Variants in ROBO2 observed in about 807,000 individuals in gnomAD.
ROBO2 encodes roundabout guidance receptor 2, also known as roundabout homolog 2.
A neutral mutation model predicts 160.8 loss-of-function variants in ROBO2; 53 were observed. The observed-to-expected ratio is 0.33, with a 90% CI of 0.26 to 0.41. The LOEUF is 0.41. Among genes scored for constraint, ROBO2 ranks in the 10% least tolerant of loss-of-function variants. The probability of loss-of-function intolerance (pLI) is 1.00; values close to 1 mark genes in which losing one functional copy is unlikely to be tolerated. For synonymous variants in ROBO2, 664 were observed against 611.7 expected, an observed-to-expected ratio of 1.09 and a Z score of -1.26; for missense variants, 1,577 against 1,722.4, an observed-to-expected ratio of 0.92 and a Z score of 1.49.
chr3:76,057,037 A>G (rs2067873662), intron 2 of ROBO2, among the ~76,000 whole-genome samples: 1 of 152,188 alleles, frequency 6.6e-6, no homozygotes, highest in South Asian at 2.1e-4. Flanking sequence ...GATTTCCTCA[A>G]ATTTTCTAAA....
intron 2 of ROBO2, among the ~76,000 whole-genome samples, chr3:76,711,287 G>A (rs1196684006): frequency 6.6e-6 from 1 of 152,110 alleles, no homozygotes; most frequent in East Asian, 1.9e-4. Context: ...GAGAAAGAGC[G>A]AAGGGGGAAG....
intron 2 of ROBO2, among the ~76,000 whole-genome samples, chr3:76,160,414 TTGAGATTTCTA>T (rs2072575303): frequency 1.3e-5 from 2 of 151,676 alleles, no homozygotes; most frequent in African/African-American, 4.8e-5. Context: ...GCTGAAGTAA[TTGAGATTTCTA>T]TGATGTTGGC....
intron 2 of ROBO2, among the ~76,000 whole-genome samples, chr3:76,474,227 G>T (rs1169679340): frequency 6.6e-6 from 1 of 151,996 alleles, no homozygotes; most frequent in African/African-American, 2.4e-5. Flanking sequence ...TATTTTTCTT[G>T]TAACAGCTGT....
intron 2 of ROBO2, among the ~76,000 whole-genome samples, chr3:76,580,270 G>A (rs567839581): frequency 4.2e-4 from 55 of 130,930 alleles, no homozygotes; most frequent in Middle Eastern, 4.5e-3. Flanking sequence ...GCTAGAGCCT[G>A]GTTGCTCTTT....
intron 6 of ROBO2, among the ~76,000 whole-genome samples, chr3:77,544,353 G>T (rs529587274): frequency 6.6e-6 from 1 of 151,378 alleles, no homozygotes; most frequent in Non-Finnish European, 1.5e-5. Context: ...CCTATACCAC[G>T]CTCTGTTCAA....
intron 2 of ROBO2, among the ~76,000 whole-genome samples, chr3:76,069,451 C>G (rs1312984065): frequency 6.6e-6 from 1 of 151,932 alleles, no homozygotes; most frequent in African/African-American, 2.4e-5. Flanking sequence ...CCACCATCAG[C>G]TCTCAATGGA....
intron 2 of ROBO2, among the ~76,000 whole-genome samples, chr3:76,792,740 C>A (rs73841626): frequency 0.011 from 1,738 of 151,512 alleles, 35 homozygotes; most frequent in African/African-American, 0.038. Flanking sequence ...ACAACAACAA[C>A]AAAAAAATCC....
At chr3:76,026,090 T>C (rs2066735283) in intron 2 of ROBO2, among the ~76,000 whole-genome samples, 2 of 151,920 alleles carry the variant, frequency 1.3e-5, no homozygotes, top group Non-Finnish European at 2.9e-5. Context: ...CTCTTTTGGC[T>C]CCCCAGTACC....
intron 2 of ROBO2, among the ~76,000 whole-genome samples, chr3:76,340,148 A>G (rs1331418225): frequency 1.3e-5 from 2 of 151,978 alleles, no homozygotes; most frequent in Admixed American, 6.6e-5. Flanking sequence ...ATAAGAAGCT[A>G]GTTAATTGCA....
chr3:76,947,153 C>T (rs2078605017), intron 2 of ROBO2, among the ~76,000 whole-genome samples: 1 of 151,986 alleles, frequency 6.6e-6, no homozygotes, highest in African/African-American at 2.4e-5. Flanking sequence ...TCGTTTTCCA[C>T]AAATTAGGGG....
At chr3:77,344,368 G>A (rs2067396960) in intron 2 of ROBO2, among the ~76,000 whole-genome samples, 1 of 152,212 alleles carries the variant, frequency 6.6e-6, no homozygotes, top group Non-Finnish European at 1.5e-5. Flanking sequence ...AAATTCATGT[G>A]TTGAAATCCT....
intron 2 of ROBO2, among the ~76,000 whole-genome samples, chr3:76,579,565 T>C (rs1021448870): frequency 1.1e-4 from 16 of 151,986 alleles, no homozygotes; most frequent in African/African-American, 3.9e-4. Flanking sequence ...ATACTGCAAA[T>C]ATTACCTGAG....
intron 2 of ROBO2, among the ~76,000 whole-genome samples, chr3:77,189,984 A>T (rs2081672055): frequency 6.6e-6 from 1 of 151,984 alleles, no homozygotes; most frequent in African/African-American, 2.4e-5. Context: ...CAATTGGCTT[A>T]GGTTACTGGT....
intron 2 of ROBO2, among the ~76,000 whole-genome samples, chr3:76,856,615 G>C (rs1662764727): frequency 6.6e-6 from 1 of 152,124 alleles, no homozygotes; most frequent in Non-Finnish European, 1.5e-5. Flanking sequence ...ACAGATTCCT[G>C]GGCAACATCC....
At chr3:77,389,569 A>G (rs1053876604) in intron 2 of ROBO2, among the ~76,000 whole-genome samples, 5 of 152,090 alleles carry the variant, frequency 3.3e-5, no homozygotes, top group African/African-American at 1.2e-4. Flanking sequence ...TTAAGGGTCA[A>G]CAGTATTTAT....
chr3:76,491,644 T>C (rs931647334), intron 2 of ROBO2, among the ~76,000 whole-genome samples: 4 of 152,210 alleles, frequency 2.6e-5, no homozygotes, highest in Non-Finnish European at 4.4e-5. Context: ...ATTATACCTA[T>C]ATTGAAAATT....
intron 2 of ROBO2, among the ~76,000 whole-genome samples, chr3:76,620,396 G>T (rs538545040): frequency 6.6e-6 from 1 of 152,058 alleles, no homozygotes. Context: ...AAAATCATTC[G>T]TAAATAAAAG....
chr3:76,595,902 G>T (rs2086705032), intron 2 of ROBO2, among the ~76,000 whole-genome samples: 1 of 151,294 alleles, frequency 6.6e-6, no homozygotes, highest in Middle Eastern at 3.4e-3. Flanking sequence ...ACACCCGTGA[G>T]CCACGTAACT....
chr3:77,493,223 T>C (rs775138246), intron 4 of ROBO2, 21 bp from the exon 5 acceptor site: 1 of 1,612,262 alleles, frequency 6.2e-7, no homozygotes, highest in East Asian at 2.2e-5. Flanking sequence ...ATTTTACCAT[T>C]GTTTCATTTT....
Sources: allele counts gnomAD v4.1 joint callset (sites outside exome capture counted in the v4.1 genomes callset), GRCh38; gene constraint gnomAD v4.1.1; transcripts MANE v1.5; gene names NCBI Gene and HGNC (gene_info 2026-07-23, HGNC 2026-07-21).